ADGRD1: variants seen among roughly 807,000 people sequenced by gnomAD.
ADGRD1 encodes adhesion G protein-coupled receptor D1, also known as G-protein coupled receptor 133.
In ADGRD1, 77 loss-of-function variants were observed where a neutral mutation model predicts 113.4. The ratio of observed to expected loss-of-function variants is 0.68; its 90% CI spans 0.57 to 0.82. The LOEUF (loss-of-function observed/expected upper bound fraction) is 0.82. Among genes scored for constraint, ADGRD1 ranks in the 40% least tolerant of loss-of-function variants. The pLI is 0.00. For synonymous variants in ADGRD1, 474 were observed against 475.0 expected (o/e 1.00, Z 0.03); for missense variants, 1,036 against 1,139.1 (o/e 0.91, Z 1.30).
At chr12:131,125,803 A>G (rs962704071) in intron 20 of ADGRD1, among the ~76,000 whole-genome samples, 3 of 152,258 alleles carry the variant, frequency 2.0e-5, no homozygotes, top group African/African-American at 4.8e-5. Context: ...GCCTACCTCA[A>G]ACATTCTCAG....
intron 13 of ADGRD1, among the ~76,000 whole-genome samples, chr12:131,074,350 T>C (rs1192532415): frequency 6.6e-6 from 1 of 152,174 alleles, no homozygotes; most frequent in Non-Finnish European, 1.5e-5. Flanking sequence ...TTCACTTCTG[T>C]CCAGCAGAGC....
intron 13 of ADGRD1, among the ~76,000 whole-genome samples, chr12:131,044,346 C>T (rs569152351): frequency 4.6e-5 from 7 of 152,282 alleles, no homozygotes; most frequent in African/African-American, 1.2e-4. Context: ...TGGGTCCGCG[C>T]GTGTTGCTGT....
chr12:131,054,257 T>C (rs1318448222), intron 13 of ADGRD1, among the ~76,000 whole-genome samples: 1 of 152,204 alleles, frequency 6.6e-6, no homozygotes, highest in African/African-American at 2.4e-5. Context: ...CTGGGTCCCC[T>C]TTGTAATCCC....
chr12:131,082,918 C>T (rs1459367568), intron 14 of ADGRD1, among the ~76,000 whole-genome samples: 1 of 152,230 alleles, frequency 6.6e-6, no homozygotes, highest in East Asian at 1.9e-4. Context: ...CATCCTCAAA[C>T]TCAGAGCCAC....
Position 130,966,555 on chromosome 12 carries a change from G to T in ADGRD1, c.187+9G>T. ...TCAGGATACAACTGGAGGTAGAGAC[G>T]CGGGTGCTGAGAGCGGCTGTGGGCG... is the stretch of plus-strand genomic sequence containing the variant. On this transcript the variant is annotated intron_variant, in intron 3 of 24. Transcript: ENST00000261654. This position sits in a 1 kb window ranked among gnomAD's most constrained non-coding sequence, Gnocchi z 4.6. 1 of 1,580,592 alleles carries T rather than the reference G, an allele frequency of 6.3e-7. No homozygotes were observed. The highest frequency in any genetic ancestry group is 8.7e-7 in the Non-Finnish European group (1 of 1,149,364).
rs552157979 is a variant in ADGRD1, at chr12:130,971,938, C to T, written c.310+358C>T. On this transcript the variant is annotated intron_variant, in intron 4 of 24. Transcript: ENST00000261654. The surrounding 1 kb of genome is among the most constrained non-coding windows in gnomAD (Gnocchi z 4.2). ...AAGGAAATTGATGGCATGGCACCTGCAGTGTGATTTCTGGCTCTGGGATGT... is the reference window on the plus strand; with the variant it reads ...AAGGAAATTGATGGCATGGCACCTGTAGTGTGATTTCTGGCTCTGGGATGT... Among the ~76,000 whole-genome samples the T allele has an allele frequency of 2.8e-4, 43 of 152,266 alleles. No individual in the cohort carries two copies. The highest frequency in any genetic ancestry group is 5.2e-4 in the Admixed American group (8 of 15,292).
chr12:131,118,257 A>G (rs1950513237), intron 18 of ADGRD1, 128 bp from the exon 19 acceptor site: 1 of 673,362 alleles, frequency 1.5e-6, no homozygotes, highest in Non-Finnish European at 2.6e-6. Flanking sequence ...CAATTAGCAC[A>G]TAGTTCCCCC....
At chr12:131,016,404 A>G (rs761653244) in intron 13 of ADGRD1, among the ~76,000 whole-genome samples, 1 of 152,184 alleles carries the variant, frequency 6.6e-6, no homozygotes. Context: ...TGCAGTTGAC[A>G]TTTGTGTCTT....
chr12:131,056,638 A>C (rs1391887001), intron 13 of ADGRD1, among the ~76,000 whole-genome samples: 2 of 152,236 alleles, frequency 1.3e-5, no homozygotes, highest in East Asian at 3.9e-4. Context: ...TATAACATGA[A>C]TATTCCATGA....
chr12:131,107,857 T>G (rs1188228992), intron 17 of ADGRD1, among the ~76,000 whole-genome samples: 1 of 152,230 alleles, frequency 6.6e-6, no homozygotes, highest in Non-Finnish European at 1.5e-5. Flanking sequence ...CTTGGGCGTA[T>G]CTGAAGGACA....
intron 2 of ADGRD1, among the ~76,000 whole-genome samples, chr12:130,963,214 G>A (rs1237393871): frequency 4.6e-5 from 7 of 151,186 alleles, no homozygotes; most frequent in Non-Finnish European, 7.4e-5. Context: ...CAGCTACTTG[G>A]GAAGCTGAGG....
intron 20 of ADGRD1, among the ~76,000 whole-genome samples, chr12:131,128,713 G>A (rs1950809757): frequency 1.3e-5 from 2 of 152,168 alleles, no homozygotes; most frequent in African/African-American, 2.4e-5. Flanking sequence ...TAGGGGGACT[G>A]TAACTACATA....
At chr12:131,043,685 A>C (rs1442648550) in intron 13 of ADGRD1, among the ~76,000 whole-genome samples, 1 of 152,226 alleles carries the variant, frequency 6.6e-6, no homozygotes, top group Non-Finnish European at 1.5e-5. Context: ...GCGCACGCAC[A>C]CAGGGCCACA....
intron 13 of ADGRD1, among the ~76,000 whole-genome samples, chr12:131,014,945 G>C (rs1322823911): frequency 6.6e-6 from 1 of 152,230 alleles, no homozygotes. Flanking sequence ...AGAGTATAAT[G>C]CTGCCGTTCT....
At chr12:131,111,580 G>A (rs781277841) in intron 18 of ADGRD1, among the ~76,000 whole-genome samples, 2 of 151,966 alleles carry the variant, frequency 1.3e-5, no homozygotes, top group Non-Finnish European at 2.9e-5. Flanking sequence ...TACACTTACA[G>A]TACAGCTTCT....
chr12:130,958,891 T>C (rs1870009635), intron 2 of ADGRD1, among the ~76,000 whole-genome samples: 2 of 152,220 alleles, frequency 1.3e-5, no homozygotes. Context: ...TGCGGTGGTG[T>C]CACGCCCTCG....
At chr12:130,955,385 G>C (rs536484512) in intron 2 of ADGRD1, among the ~76,000 whole-genome samples, 6 of 152,078 alleles carry the variant, frequency 3.9e-5, no homozygotes, top group African/African-American at 9.7e-5. Context: ...AGTGGGACTC[G>C]GGATAGAGGG....
At position 130,966,813 on chromosome 12, in the gene ADGRD1, G is replaced by A; in HGVS notation, c.187+267G>A. ...AAAGCTTTTTTTTTTGTAGAGATGG[G>A]GTCTTGCTATGTTGCCAGGCTGGTC... On this transcript the variant is annotated intron_variant, in intron 3 of 24. Coordinates refer to ENST00000261654, the MANE Select transcript of ADGRD1 (RefSeq NM_198827.5). This position sits in a 1 kb window ranked among gnomAD's most constrained non-coding sequence, Gnocchi z 4.6. 2.3e-6 allele frequency: 1 copy of A among 427,290 alleles called. No homozygotes were observed. The highest frequency in any genetic ancestry group is 4.4e-6 in the Non-Finnish European group (1 of 227,504). The allele number at this position is 427,290 out of a possible 1,614,324, so 26.5% of individuals were successfully genotyped here. A position where few individuals can be genotyped will look rare whatever the true frequency, so the allele number is the denominator to read the frequency against.
At chr12:131,048,281 C>G (rs959354721) in intron 13 of ADGRD1, among the ~76,000 whole-genome samples, 2 of 152,236 alleles carry the variant, frequency 1.3e-5, no homozygotes, top group Non-Finnish European at 2.9e-5. Flanking sequence ...GGGTGGGCAG[C>G]CCCGCACCAT....
Sources: gnomAD v4.1 joint callset for allele counts (sites outside exome capture counted in the v4.1 genomes callset) on GRCh38, gnomAD v4.1.1 for gene constraint, Gnocchi (gnomAD v3.1) non-coding constraint, MANE v1.5 for transcripts, NCBI Gene and HGNC (gene_info 2026-07-23, HGNC 2026-07-21) for gene names.